The following CAMTA1 variants were observed in gnomAD, a reference collection of about 807,000 sequenced individuals.
CAMTA1 encodes the protein calmodulin binding transcription activator 1.
A neutral mutation model predicts 170.9 loss-of-function variants in CAMTA1; 27 were observed. The ratio of observed to expected loss-of-function variants is 0.16; its 90% CI spans 0.12 to 0.22. The LOEUF (loss-of-function observed/expected upper bound fraction) is 0.22, where lower values mean the gene tolerates loss of function less well. Among genes scored for constraint, CAMTA1 ranks in the 10% least tolerant of loss-of-function variants. The pLI, the probability that CAMTA1 is intolerant of heterozygous loss-of-function variation, is 1.00. For missense variants in CAMTA1, 1,619 were observed against 2,217.2 expected (o/e 0.73, Z 5.42); for synonymous variants, 833 against 891.5 (o/e 0.93, Z 1.17).
intron 6 of CAMTA1, among the ~76,000 whole-genome samples, chr1:7,535,311 TG>T (rs2094536766): frequency 2.0e-5 from 3 of 149,840 alleles, no homozygotes; most frequent in Admixed American, 2.0e-4. Context: ...TTCCTTGGGC[TG>T]GGGAAGCTGC....
chr1:6,864,672 A>G (rs1181330843), intron 3 of CAMTA1, among the ~76,000 whole-genome samples: 1 of 151,972 alleles, frequency 6.6e-6, no homozygotes, highest in Non-Finnish European at 1.5e-5. Context: ...GTCGCCCTCC[A>G]CCTTGGTTCC....
At chr1:7,295,746 A>C (rs530889891) in intron 5 of CAMTA1, among the ~76,000 whole-genome samples, 6 of 152,370 alleles carry the variant, frequency 3.9e-5, no homozygotes, top group African/African-American at 1.4e-4. Context: ...TACCTGCAGC[A>C]GACTGACAGT....
At chr1:7,760,487 G>T (rs540660566) in intron 22 of CAMTA1, among the ~76,000 whole-genome samples, 2 of 152,228 alleles carry the variant, frequency 1.3e-5, no homozygotes, top group Non-Finnish European at 2.9e-5. Context: ...TTGGCATGAG[G>T]CATAGTTTCT....
At chr1:6,960,842 T>C (rs753103602) in intron 3 of CAMTA1, among the ~76,000 whole-genome samples, 27 of 152,224 alleles carry the variant, frequency 1.8e-4, no homozygotes, top group Non-Finnish European at 3.1e-4. Flanking sequence ...TCTTACTTTG[T>C]GCAGGTCTTG....
chr1:7,478,688 T>C (rs74053031), intron 6 of CAMTA1, among the ~76,000 whole-genome samples: 3,059 of 146,942 alleles, frequency 0.021, 101 homozygotes, highest in African/African-American at 0.074. Flanking sequence ...GCCAGAACAA[T>C]GGGCAATACA....
chr1:7,462,390 T>C lies in CAMTA1; in HGVS notation c.439-5440T>C, dbSNP rs931888590. Among the ~76,000 whole-genome samples the C allele has an allele frequency of 1.1e-4, 16 of 152,204 alleles. 1 individual carries two copies. The highest frequency in any genetic ancestry group is 8.5e-4 in the Admixed American group (13 of 15,280). On this transcript the variant is annotated intron_variant, in intron 5 of 22. Coordinates refer to ENST00000303635, the MANE Select transcript of CAMTA1 (RefSeq NM_015215.4). ...AAGCAATTCTTCTGCCTCAGCCTCC[T>C]GCGTAGCTGAGACTACAGGTGCATG... is the stretch of plus-strand genomic sequence containing the variant.
chr1:6,904,800 C>T (rs922262143), intron 3 of CAMTA1, among the ~76,000 whole-genome samples: 2 of 132,924 alleles, frequency 1.5e-5, no homozygotes, highest in Non-Finnish European at 3.1e-5. Context: ...GCTGTGTTGC[C>T]TAGACTGATC....
intron 3 of CAMTA1, among the ~76,000 whole-genome samples, chr1:7,051,864 C>G (rs533152165): frequency 6.6e-6 from 1 of 152,124 alleles, no homozygotes; most frequent in African/African-American, 2.4e-5. Flanking sequence ...GGGCTCTGTA[C>G]GCCCCCTCTC....
intron 5 of CAMTA1, among the ~76,000 whole-genome samples, chr1:7,304,966 A>G (rs1024146297): frequency 1.3e-5 from 2 of 152,036 alleles, no homozygotes; most frequent in African/African-American, 4.8e-5. Context: ...TGGTATTTTA[A>G]TATTTTTATT....
At position 7,240,076 on chromosome 1, in the gene CAMTA1, C is replaced by T. The variant is rs373740935; in HGVS notation, c.303-9415C>T. 8.5e-5 allele frequency among the ~76,000 whole-genome samples: 13 copies of T among 152,280 alleles called. 1 individual carries two copies. The South Asian group carries it at 2.5e-3, about 29-fold the overall frequency. On this transcript the variant is annotated intron_variant, in intron 4 of 22. Transcript: ENST00000303635. ...GACCTTTAGGGGGACACATCCAAACCATAGCAGAGGACATGTACTATCTGG... is the reference window on the plus strand; with the variant it reads ...GACCTTTAGGGGGACACATCCAAACTATAGCAGAGGACATGTACTATCTGG...
At chr1:7,016,422 A>C (rs1700544232) in intron 3 of CAMTA1, among the ~76,000 whole-genome samples, 1 of 152,216 alleles carries the variant, frequency 6.6e-6, no homozygotes, top group Non-Finnish European at 1.5e-5. Flanking sequence ...TCAGCTGTCG[A>C]ATGGGTGAAT....
chr1:7,639,633 C>T (rs1028718762), intron 6 of CAMTA1, among the ~76,000 whole-genome samples: 2 of 152,094 alleles, frequency 1.3e-5, no homozygotes, highest in Admixed American at 1.3e-4. Flanking sequence ...ATTAGCCAGG[C>T]ATGGTGGTGT....
rs60556819 is a variant in CAMTA1 at position 7,340,716 on chromosome 1, G to GCATCCATC, written c.438+91138_438+91145dup. ...TCTAGCCATGTATCCTTCCACCTGTGCATCCATCCATCCATCCATCCATCC... is the reference window on the plus strand; with the variant it reads ...TCTAGCCATGTATCCTTCCACCTGTGCATCCATCCATCCATCCATCCATCCATCCATCC... On this transcript the variant is annotated intron_variant, in intron 5 of 22. Transcript: ENST00000303635. Among the ~76,000 whole-genome samples, 832 of 146,796 alleles carry GCATCCATC rather than the reference G, an allele frequency of 5.7e-3. 3 individuals are homozygous for GCATCCATC. The highest frequency in any genetic ancestry group is 8.5e-3 in the Non-Finnish European group (569 of 66,578).
Position 7,622,551 on chromosome 1 carries a change from A to G in CAMTA1, c.511-17849A>G, listed in dbSNP as rs1202302666. Among the ~76,000 whole-genome samples, 4 of 152,336 alleles carry G rather than the reference A, an allele frequency of 2.6e-5. No homozygotes were observed. The South Asian group carries it at 6.2e-4, about 24-fold the overall frequency. On this transcript the variant is annotated intron_variant, in intron 6 of 22. Transcript: ENST00000303635. Reference sequence around the variant, plus strand: ...CCAGCAAAACAGAGCGTTCTTTCGGAGTAAGCCTTCCACCACCTGAACTTT... The same window carrying G: ...CCAGCAAAACAGAGCGTTCTTTCGGGGTAAGCCTTCCACCACCTGAACTTT...
rs974650191 is a variant in CAMTA1, at chr1:7,435,092, G to A, written c.439-32738G>A. Among the ~76,000 whole-genome samples, 3 of 152,120 alleles carry A rather than the reference G, an allele frequency of 2.0e-5. No individual in the cohort carries two copies. Among genetic ancestry groups the A allele is most frequent in the Non-Finnish European group, 2.9e-5 (2 of 68,026 alleles). On this transcript the variant is annotated intron_variant, in intron 5 of 22. Transcript: ENST00000303635. This position sits in a 1 kb window ranked among gnomAD's most constrained non-coding sequence, Gnocchi z 4.4. ...AAAAAAGAAGGCAGAGGGCATGCTA[G>A]CTGAATGCTGCCTGAAGCCTTTTTT...
At chr1:7,458,564 C>T (rs536954285) in intron 5 of CAMTA1, among the ~76,000 whole-genome samples, 35 of 152,308 alleles carry the variant, frequency 2.3e-4, no homozygotes, top group South Asian at 2.1e-4. Context: ...GGAGCCTTCC[C>T]GCCCCTGCCC....
chr1:7,537,172 G>A (rs545190374), intron 6 of CAMTA1, among the ~76,000 whole-genome samples: 12 of 152,354 alleles, frequency 7.9e-5, no homozygotes, highest in Middle Eastern at 3.4e-3. Context: ...GCCTAAGCAG[G>A]AGGGACGCAT....
chr1:7,311,103 T>C (rs144179236), intron 5 of CAMTA1, among the ~76,000 whole-genome samples: 1 of 152,368 alleles, frequency 6.6e-6, no homozygotes, highest in African/African-American at 2.4e-5. Context: ...TGCTTAGATT[T>C]ATCTTGTTTG....
At chr1:6,960,781 A>G (rs920467155) in intron 3 of CAMTA1, among the ~76,000 whole-genome samples, 1 of 152,200 alleles carries the variant, frequency 6.6e-6, no homozygotes, top group African/African-American at 2.4e-5. Flanking sequence ...TGATGCATAC[A>G]TGGAGGACCA....
Sources: gnomAD v4.1 joint callset for allele counts (sites outside exome capture counted in the v4.1 genomes callset) on GRCh38, gnomAD v4.1.1 for gene constraint, Gnocchi (gnomAD v3.1) non-coding constraint, MANE v1.5 for transcripts, NCBI Gene and HGNC (gene_info 2026-07-23, HGNC 2026-07-21) for gene names.